The following OR2T10 variants were observed in gnomAD, a reference collection of about 807,000 sequenced individuals.
OR2T10 encodes the protein olfactory receptor 2T10.
For synonymous variants in OR2T10, 125 were observed against 141.8 expected (o/e 0.88, Z 0.84); for missense variants, 335 against 382.5 (o/e 0.88, Z 1.04).
At position 248,595,609 on chromosome 1, in the gene OR2T10, T is replaced by G. The variant is rs139080095; in HGVS notation, c.-28-1813A>C. Among the ~76,000 whole-genome samples the G allele has an allele frequency of 9.4e-3, 1,353 of 143,274 alleles. 278 individuals carry two copies. The highest frequency in any genetic ancestry group is 0.035 in the African/African-American group (1,282 of 36,398). The allele number at this position is 143,274 out of a possible 152,430, so 94.0% of individuals were successfully genotyped here. A position where few individuals can be genotyped will look rare whatever the true frequency, so the allele number is the denominator to read the frequency against. The stretch of plus-strand genomic sequence containing the variant: ...TAAGAGACTTAAAACCAAAGGGGAC[T>G]TAATGTATTTTCAGTAAATAAACAT... On this transcript the variant is annotated intron_variant, in intron 1 of 1. Coordinates refer to ENST00000642090, the MANE Select transcript of OR2T10 (RefSeq NM_001004693.2).
At chr1:248,594,183 C>A (rs1660059036) in intron 1 of OR2T10, among the ~76,000 whole-genome samples, 1 of 142,674 alleles carries the variant, frequency 7.0e-6, no homozygotes, top group African/African-American at 2.8e-5. Context: ...ATAGATATTT[C>A]TATATATTTG....
intron 1 of OR2T10, 22 bp downstream of exon 1, chr1:248,597,470 C>T (rs2103089943): frequency 7.0e-6 from 1 of 142,486 alleles, no homozygotes; most frequent in East Asian, 2.0e-4. Flanking sequence ...AAGTTAATAA[C>T]AATAAATTAT....
chr1:248,593,109 A>G lies in OR2T10; in HGVS notation c.660T>C (p.Tyr220=). 1.9e-6 allele frequency: 3 copies of G among 1,573,108 alleles called. No homozygotes were observed. The highest frequency in any genetic ancestry group is 1.1e-5 in the South Asian group (1 of 88,888). Residue 220 remains tyrosine, a synonymous_variant, in exon 2 of 2, where the codon TAT becomes TAC. Transcript: ENST00000642090. ...TCATCTTATGGATGGTGAGGATGAT[A>G]TAGTAGTAAGACACTGAAATGACCG... ...PVTVISVSYY[Y]IILTIHKMNS... is the part of the protein sequence containing the mutation.
intron 1 of OR2T10, among the ~76,000 whole-genome samples, chr1:248,596,125 A>C (rs1660086047): frequency 6.9e-6 from 1 of 144,004 alleles, no homozygotes; most frequent in Non-Finnish European, 1.5e-5. Flanking sequence ...AATGTCTCAA[A>C]GAAAAATCAG....
At position 248,592,855 on chromosome 1, in the gene OR2T10, A is replaced by C. The variant is rs762940950; in HGVS notation, c.914T>G (p.Leu305Arg). ...KDVTRALKKMLSVQKPPY is the reference protein window; with the variant it reads ...KDVTRALKKMRSVQKPPY ...TTAATATGGAGGTTTCTGCACGCTC[A>C]GCATTTTTTTCAAAGCCCTTGTGAC... Residue 305 changes from leucine to arginine, a missense_variant, in exon 2 of 2, where the codon CTG (leucine) becomes CGG (arginine). Leu to Arg is a moderately radical substitution (Grantham distance 102). Transcript: ENST00000642090. 2 of 1,554,004 alleles carry C rather than the reference A, an allele frequency of 1.3e-6. No homozygotes were observed. Among genetic ancestry groups the C allele is most frequent in the East Asian group, 4.6e-5 (2 of 43,560 alleles).
At position 248,594,639 on chromosome 1, in the gene OR2T10, A is replaced by T. The variant is rs548195157; in HGVS notation, c.-28-843T>A. Among the ~76,000 whole-genome samples the T allele has an allele frequency of 4.2e-5, 6 of 143,626 alleles. 2 individuals carry two copies. The highest frequency in any genetic ancestry group is 2.7e-4 in the Admixed American group (4 of 14,714). The allele number at this position is 143,626 out of a possible 152,430, so 94.2% of individuals were successfully genotyped here. A position where few individuals can be genotyped will look rare whatever the true frequency, so the allele number is the denominator to read the frequency against. ...TGATGCTTTAGGAATCAGCATTATCATCCAATCAGTTTATTCTGAGGTGAT... is the reference window on the plus strand; with the variant it reads ...TGATGCTTTAGGAATCAGCATTATCTTCCAATCAGTTTATTCTGAGGTGAT... On this transcript the variant is annotated intron_variant, in intron 1 of 1. Transcript: ENST00000642090.
intron 1 of OR2T10, chr1:248,595,058 T>C (rs1660071471): frequency 7.0e-6 from 1 of 143,360 alleles, no homozygotes. Context: ...TCTCAGAGCA[T>C]CTAGTCAATT....
chr1:248,593,024 T>C lies in OR2T10; in HGVS notation c.745A>G (p.Ser249Gly), dbSNP rs576268124. ...TAAATAGCAGCTCCATAGAAGAGGC[T>C]GACCACTGTAATGTGGGAGGAGCAG... ...TTCSSHITVV[S>G]LFYGAAIYNY... is the part of the protein sequence containing the mutation. Residue 249 changes from serine to glycine, a missense_variant, in exon 2 of 2, where the codon AGC (serine) becomes GGC (glycine). Transcript: ENST00000642090. 1 of 1,572,812 alleles carries C rather than the reference T, an allele frequency of 6.4e-7. No individual in the cohort carries two copies. Among genetic ancestry groups the C allele is most frequent in the East Asian group, 2.3e-5 (1 of 43,666 alleles).
At chr1:248,593,960 AT>A (rs1415278051) in intron 1 of OR2T10, among the ~76,000 whole-genome samples, 164 bp from the exon 2 acceptor site, 1 of 143,368 alleles carries the variant, frequency 7.0e-6, no homozygotes, top group Non-Finnish European at 1.5e-5. Context: ...TGTGAATCTG[AT>A]TCCCCATCTA....
chr1:248,594,350 A>G lies in OR2T10; in HGVS notation c.-28-554T>C, dbSNP rs574744879. Among the ~76,000 whole-genome samples, 133 of 143,888 alleles carry G rather than the reference A, an allele frequency of 9.2e-4. 29 individuals carry two copies. The highest frequency in any genetic ancestry group is 3.3e-3 in the African/African-American group (122 of 36,678). The allele number at this position is 143,888 out of a possible 152,430, so 94.4% of individuals were successfully genotyped here. On this transcript the variant is annotated intron_variant, in intron 1 of 1. Transcript: ENST00000642090. The stretch of plus-strand genomic sequence containing the variant: ...TTTAAACATAAAATTCCAAACCCTT[A>G]TATAACGTTACAAATTTAGTCAAAT...
In OR2T10 at chr1:248,595,055, G is replaced by C. The variant is rs1021015325; in HGVS notation, c.-28-1259C>G. The C allele has an allele frequency of 1.4e-5, 2 of 143,172 alleles. 1 individual carries two copies. The highest frequency in any genetic ancestry group is 3.0e-5 in the Non-Finnish European group (2 of 66,264). 8.9% of individuals were successfully genotyped at this position (143,172 alleles called of 1,614,324 possible). A position where few individuals can be genotyped will look rare whatever the true frequency, so the allele number is the denominator to read the frequency against. On this transcript the variant is annotated intron_variant, in intron 1 of 1. Transcript: ENST00000642090. ...ATCCAAGTTCCAATTTCTTCTCAGAGCATCTAGTCAATTAATCACCTTGTA... is the reference window on the plus strand; with the variant it reads ...ATCCAAGTTCCAATTTCTTCTCAGACCATCTAGTCAATTAATCACCTTGTA...
Position 248,592,710 on chromosome 1 carries a change from CCCCTGAAGGACAACT to C in OR2T10, c.*105_*119del. 1.7e-6 allele frequency: 1 copy of C among 600,626 alleles called. No individual in the cohort carries two copies. Among genetic ancestry groups the C allele is most frequent in the Non-Finnish European group, 2.9e-6 (1 of 348,622 alleles). 37.2% of individuals were successfully genotyped at this position (600,626 alleles called of 1,614,324 possible). ...GGAGGGAAGAACACTGGGCTGAATCCCCCTGAAGGACAACTCAGGGAGTCAGACACTACCACAATA... is the reference window on the plus strand; with the variant it reads ...GGAGGGAAGAACACTGGGCTGAATCCCAGGGAGTCAGACACTACCACAATA... On this transcript the variant is annotated 3_prime_UTR_variant, in exon 2 of 2. Transcript: ENST00000642090.
rs761426179 is a variant in OR2T10, at chr1:248,596,049, C to T, written c.-29+1443G>A. Among the ~76,000 whole-genome samples, 5 of 143,208 alleles carry T rather than the reference C, an allele frequency of 3.5e-5. 1 individual carries two copies. The highest frequency in any genetic ancestry group is 5.5e-5 in the African/African-American group (2 of 36,360). The allele number at this position is 143,208 out of a possible 152,430, so 94.0% of individuals were successfully genotyped here. On this transcript the variant is annotated intron_variant, in intron 1 of 1. Transcript: ENST00000642090. ...AGTCATGGTACGCCTGGACCAAAGG[C>T]GAAACCTGAGACAAATAAAACACAC...
intron 1 of OR2T10, among the ~76,000 whole-genome samples, chr1:248,597,201 AG>A (rs1660104847): frequency 7.0e-6 from 1 of 142,490 alleles, no homozygotes; most frequent in South Asian, 2.2e-4. Context: ...TTATACCTGT[AG>A]GGGTACACAC....
In OR2T10 at chr1:248,592,799, A is replaced by G. The variant is rs1660030047; in HGVS notation, c.*31T>C. 7.9e-7 allele frequency: 1 copy of G among 1,269,742 alleles called. No individual in the cohort carries two copies. Among genetic ancestry groups the G allele is most frequent in the Admixed American group, 2.0e-5 (1 of 49,654 alleles). The allele number at this position is 1,269,742 out of a possible 1,614,324, so 78.7% of individuals were successfully genotyped here. A position where few individuals can be genotyped will look rare whatever the true frequency, so the allele number is the denominator to read the frequency against. On this transcript the variant is annotated 3_prime_UTR_variant, in exon 2 of 2. Transcript: ENST00000642090. ...ACCTAAAGTGAAGAGAGACTCTAAG[A>G]AGAGAGGACCAACTTAAGTTCTTTC...
chr1:248,595,457 T>C lies in OR2T10; in HGVS notation c.-28-1661A>G, dbSNP rs186359408. Among the ~76,000 whole-genome samples, 19 of 143,408 alleles carry C rather than the reference T, an allele frequency of 1.3e-4. 3 individuals are homozygous for C. Among genetic ancestry groups the C allele is most frequent in the Admixed American group, 1.3e-3 (19 of 14,710 alleles). 94.1% of individuals were successfully genotyped at this position (143,408 alleles called of 152,430 possible). ...TGGTCATATTATTTCCTTTTTTATTTCAAATATCTTGCCCTGGCCAAGACT... is the reference window on the plus strand; with the variant it reads ...TGGTCATATTATTTCCTTTTTTATTCCAAATATCTTGCCCTGGCCAAGACT... On this transcript the variant is annotated intron_variant, in intron 1 of 1. Transcript: ENST00000642090.
chr1:248,593,815 C>CT lies in OR2T10; in HGVS notation c.-28-20dup. The CT allele has an allele frequency of 2.0e-6, 2 of 1,022,598 alleles. No individual in the cohort carries two copies. The highest frequency in any genetic ancestry group is 1.4e-5 in the South Asian group (1 of 70,270). 63.3% of individuals were successfully genotyped at this position (1,022,598 alleles called of 1,614,324 possible). On this transcript the variant is annotated intron_variant, in intron 1 of 1. Coordinates refer to ENST00000642090, the MANE Select transcript of OR2T10 (RefSeq NM_001004693.2). ...GCTTTACCTGGAGGACAAAAGTAAACTTTATTTATAATCATGTGTGTACCA... is the reference window on the plus strand; with the variant it reads ...GCTTTACCTGGAGGACAAAAGTAAACTTTTATTTATAATCATGTGTGTACCA...
Position 248,592,755 on chromosome 1 carries a change from G to C in OR2T10, c.*75C>G, listed in dbSNP as rs994008350. The C allele has an allele frequency of 1.8e-4, 164 of 897,952 alleles. 5 individuals are homozygous for C. Among genetic ancestry groups the C allele is most frequent in the Non-Finnish European group, 2.6e-4 (155 of 590,822 alleles). 55.6% of individuals were successfully genotyped at this position (897,952 alleles called of 1,614,324 possible). The stretch of plus-strand genomic sequence containing the variant: ...GAGTCAGACACTACCACAATATGCT[G>C]ATTGTTTGGTGGAAGGACACCTAAA... On this transcript the variant is annotated 3_prime_UTR_variant, in exon 2 of 2. Coordinates refer to ENST00000642090, the MANE Select transcript of OR2T10 (RefSeq NM_001004693.2).
rs1659979724 is a variant in OR2T10, at chr1:248,590,534, ATACT to A, written c.*2292_*2295del. ...TTTTATTGATACATAATATTTCTAC[ATACT>A]TATGGGGCACATGTGATATTTTGAT... On this transcript the variant is annotated 3_prime_UTR_variant, in exon 2 of 2. Coordinates refer to ENST00000642090, the MANE Select transcript of OR2T10 (RefSeq NM_001004693.2). 1.4e-5 allele frequency: 2 copies of A among 143,864 alleles called. No homozygotes were observed. Among genetic ancestry groups the A allele is most frequent in the Admixed American group, 1.4e-4 (2 of 14,718 alleles). The allele number at this position is 143,864 out of a possible 1,614,324, so 8.9% of individuals were successfully genotyped here.
Sources: allele counts gnomAD v4.1 joint callset (sites outside exome capture counted in the v4.1 genomes callset), GRCh38; gene constraint gnomAD v4.1.1; transcripts MANE v1.5; gene names NCBI Gene and HGNC (gene_info 2026-07-23, HGNC 2026-07-21).